Variants in RBM47 observed in about 807,000 individuals in gnomAD.
RBM47 encodes the protein RNA-binding protein 47.
RBM47 carries 21 observed loss-of-function variants against 47.1 expected under a neutral mutation model. The observed-to-expected ratio is 0.45, with a 90% CI of 0.32 to 0.64. The LOEUF is 0.64. Ranked by LOEUF, RBM47 falls within the 30% of genes least tolerant of loss-of-function variation. The pLI, the probability that RBM47 is intolerant of heterozygous loss-of-function variation, is 0.05. For missense variants in RBM47, 708 were observed against 870.9 expected (o/e 0.81, Z 2.35); for synonymous variants, 375 against 361.7 (o/e 1.04, Z -0.42).
At chr4:40,482,009 C>T (rs558487596) in intron 2 of RBM47, among the ~76,000 whole-genome samples, 5 of 152,176 alleles carry the variant, frequency 3.3e-5, no homozygotes, top group Non-Finnish European at 7.3e-5. Flanking sequence ...TATTAAATTA[C>T]AGGTGTGAGC....
Position 40,424,254 on chromosome 4 carries a change from A to C in RBM47, c.*1650T>G, listed in dbSNP as rs957938613. ...TTGTATGGATCTCTAACATGACATA[A>C]AAACGCAACTGCGTTTTACTTGCTA... On this transcript the variant is annotated 3_prime_UTR_variant, in exon 7 of 7. Coordinates refer to ENST00000295971, the MANE Select transcript of RBM47 (RefSeq NM_001098634.2). 6.6e-6 allele frequency: 1 copy of C among 152,644 alleles called. No individual in the cohort carries two copies. The highest frequency in any genetic ancestry group is 2.4e-5 in the African/African-American group (1 of 41,474). The allele number at this position is 152,644 out of a possible 1,614,324, so 9.5% of individuals were successfully genotyped here. A position where few individuals can be genotyped will look rare whatever the true frequency, so the allele number is the denominator to read the frequency against.
At chr4:40,521,717 G>A (rs968872217) in intron 2 of RBM47, among the ~76,000 whole-genome samples, 1 of 152,142 alleles carries the variant, frequency 6.6e-6, no homozygotes, top group African/African-American at 2.4e-5. Context: ...AATGAATGAA[G>A]TGACCCTGGC....
intron 6 of RBM47, 52 bp downstream of exon 6, chr4:40,432,599 G>A (rs1716326555): frequency 3.1e-6 from 5 of 1,606,954 alleles, no homozygotes; most frequent in Non-Finnish European, 2.5e-6. Context: ...ATGAATCCAT[G>A]TTAAAGAGAG....
chr4:40,540,387 C>G (rs2154261650), intron 2 of RBM47, among the ~76,000 whole-genome samples: 1 of 152,200 alleles, frequency 6.6e-6, no homozygotes, highest in Middle Eastern at 3.4e-3. Flanking sequence ...CCCCTGTAAT[C>G]CCAGCACTTT....
intron 3 of RBM47, among the ~76,000 whole-genome samples, chr4:40,442,220 A>C (rs1047136838): frequency 6.6e-6 from 1 of 152,192 alleles, no homozygotes. Flanking sequence ...TATATATCTA[A>C]TTACAGCCAG....
At chr4:40,495,126 G>A (rs532515427) in intron 2 of RBM47, among the ~76,000 whole-genome samples, 15 of 152,156 alleles carry the variant, frequency 9.9e-5, no homozygotes, top group African/African-American at 3.6e-4. Context: ...TTTTGGATTA[G>A]GTTTCTATTA....
chr4:40,474,418 G>A (rs1022479629), intron 2 of RBM47, among the ~76,000 whole-genome samples: 10 of 152,060 alleles, frequency 6.6e-5, no homozygotes, highest in African/African-American at 2.2e-4. Flanking sequence ...TCTTGAGAAT[G>A]GCAGACGTCT....
At chr4:40,487,186 C>T (rs149588331) in intron 2 of RBM47, among the ~76,000 whole-genome samples, 4 of 152,160 alleles carry the variant, frequency 2.6e-5, no homozygotes, top group East Asian at 1.9e-4. Flanking sequence ...CAGATGGAAC[C>T]GAAAGCAACA....
Position 40,517,991 on chromosome 4 carries a change from A to T in RBM47, c.-155+26431T>A, listed in dbSNP as rs544784197. On this transcript the variant is annotated intron_variant, in intron 2 of 6. Transcript: ENST00000295971. ...TCCCCATGGATACAGAAGGATCACT[A>T]TATAAACAAATGCCAGAATTTGGGG... Among the ~76,000 whole-genome samples, 17 of 152,278 alleles carry T rather than the reference A, an allele frequency of 1.1e-4. No individual in the cohort carries two copies. The South Asian group carries it at 3.3e-3, about 30-fold the overall frequency.
At chr4:40,550,556 C>T (rs571730064) in intron 1 of RBM47, among the ~76,000 whole-genome samples, 69 of 152,160 alleles carry the variant, frequency 4.5e-4, no homozygotes, top group Non-Finnish European at 8.5e-4. Flanking sequence ...GTAGCTGGGA[C>T]TACAGGTGCC....
intron 2 of RBM47, among the ~76,000 whole-genome samples, chr4:40,507,998 G>A (rs1163639013): frequency 6.6e-6 from 1 of 152,142 alleles, no homozygotes; most frequent in Non-Finnish European, 1.5e-5. Context: ...CCCGGGAGGC[G>A]GAGGTTGCGG....
chr4:40,455,240 A>C (rs948686258), intron 3 of RBM47, among the ~76,000 whole-genome samples: 4 of 152,244 alleles, frequency 2.6e-5, no homozygotes, highest in Non-Finnish European at 4.4e-5. Context: ...GGAAATGTTG[A>C]AGGACTAGAA....
intron 2 of RBM47, among the ~76,000 whole-genome samples, chr4:40,536,716 TG>T (rs11304626): frequency 0.089 from 12,655 of 142,052 alleles, 964 homozygotes; most frequent in African/African-American, 0.23. Context: ...TGTGTGTGTG[TG>T]TTTTTGTTTT....
At chr4:40,545,315 T>C (rs776115029) in intron 1 of RBM47, among the ~76,000 whole-genome samples, 17 of 147,462 alleles carry the variant, frequency 1.2e-4, no homozygotes, top group Non-Finnish European at 2.4e-4. Flanking sequence ...CCTCCCAAAG[T>C]GCTGGGATTA....
intron 2 of RBM47, among the ~76,000 whole-genome samples, chr4:40,495,247 A>T (rs1478911308): frequency 6.6e-6 from 1 of 152,160 alleles, no homozygotes; most frequent in Non-Finnish European, 1.5e-5. Context: ...CAACTGATCC[A>T]TTCTTCCCAT....
chr4:40,544,118 G>A (rs1464228351), intron 2 of RBM47: 5 of 152,104 alleles, frequency 3.3e-5, no homozygotes, highest in Admixed American at 3.3e-4. Flanking sequence ...GCTACAGGAA[G>A]AACCCACCAC....
At chr4:40,486,069 CAAAAAAAAAA>C (rs201408070) in intron 2 of RBM47, among the ~76,000 whole-genome samples, 20 of 62,838 alleles carry the variant, frequency 3.2e-4, no homozygotes, top group East Asian at 2.6e-3. Flanking sequence ...AACCCTGTTT[CAAAAAAAAAA>C]AAAAAAAAAA....
intron 3 of RBM47, among the ~76,000 whole-genome samples, chr4:40,456,228 C>A (rs1261888353): frequency 6.6e-6 from 1 of 152,056 alleles, no homozygotes; most frequent in East Asian, 1.9e-4. Context: ...GTGTCATATA[C>A]CATGTTAAAA....
intron 1 of RBM47, among the ~76,000 whole-genome samples, chr4:40,606,502 C>T (rs976304145): frequency 6.6e-6 from 1 of 152,222 alleles, no homozygotes; most frequent in South Asian, 2.1e-4. Context: ...CTCTCCTGCA[C>T]CCTCTTTGCC....
Sources: gnomAD v4.1 joint callset for allele counts (sites outside exome capture counted in the v4.1 genomes callset) on GRCh38, gnomAD v4.1.1 for gene constraint, MANE v1.5 for transcripts, NCBI Gene and HGNC (gene_info 2026-07-23, HGNC 2026-07-21) for gene names.